TMEM221: variants seen among roughly 807,000 people sequenced by gnomAD.
The protein encoded by TMEM221 is Putative transmembrane protein ENSP00000342162.
Under a neutral mutation model 10.2 loss-of-function variants are expected in TMEM221, and 11 were observed. That is an observed-to-expected ratio of 1.08 (90% CI 0.68 to 1.79). The LOEUF (loss-of-function observed/expected upper bound fraction) is 1.79. Ranked by LOEUF, TMEM221 falls within the 40% of genes most tolerant of loss-of-function variation. The probability of loss-of-function intolerance (pLI) is 0.00; values close to 1 mark genes in which losing one functional copy is unlikely to be tolerated. For missense variants in TMEM221, 382 were observed against 417.7 expected (o/e 0.91, Z 0.75); for synonymous variants, 172 against 199.8 (o/e 0.86, Z 1.18).
intron 2 of TMEM221, among the ~76,000 whole-genome samples, chr19:17,442,730 A>G (rs948680863): frequency 5.3e-5 from 8 of 151,032 alleles, no homozygotes; most frequent in African/African-American, 1.9e-4. Context: ...GAGCAACCAC[A>G]CCCGGCTGAG....
chr19:17,440,062 C>T (rs1269272260), intron 2 of TMEM221, among the ~76,000 whole-genome samples: 3 of 152,110 alleles, frequency 2.0e-5, no homozygotes, highest in South Asian at 4.1e-4. Flanking sequence ...CAGTGCTTGC[C>T]TACGGTCCCA....
At chr19:17,441,637 A>T (rs909383463) in intron 2 of TMEM221, among the ~76,000 whole-genome samples, 9 of 151,440 alleles carry the variant, frequency 5.9e-5, no homozygotes, top group African/African-American at 2.2e-4. Context: ...CTGAGACTTT[A>T]GCCTGGGCTA....
chr19:17,441,844 TGGC>T (rs2074933390), intron 2 of TMEM221, among the ~76,000 whole-genome samples: 4 of 147,990 alleles, frequency 2.7e-5, no homozygotes, highest in Non-Finnish European at 6.0e-5. Flanking sequence ...TTTTTTTTTT[TGGC>T]TGGAAACATT....
At chr19:17,442,565 G>A (rs775330613) in intron 2 of TMEM221, among the ~76,000 whole-genome samples, 66 of 151,744 alleles carry the variant, frequency 4.3e-4, no homozygotes, top group Middle Eastern at 3.4e-3. Context: ...TCAGCCTCTG[G>A]AGTAGCTGGG....
intron 2 of TMEM221, among the ~76,000 whole-genome samples, chr19:17,444,313 C>A (rs1373346136): frequency 1.3e-5 from 2 of 151,622 alleles, no homozygotes; most frequent in African/African-American, 4.8e-5. Flanking sequence ...AAACTCCTGA[C>A]CTCAGGTGAT....
Position 17,436,317 on chromosome 19 carries a change from C to T in TMEM221, c.*141G>A. 1.2e-6 allele frequency: 1 copy of T among 842,510 alleles called. No homozygotes were observed. The allele number at this position is 842,510 out of a possible 1,614,324, so 52.2% of individuals were successfully genotyped here. ...TGGAGCTCTGGCAATTATTTTGTGC[C>T]ACGAGGCAACCTTGAGGACAAAAGC... On this transcript the variant is annotated 3_prime_UTR_variant, in exon 3 of 3. Coordinates refer to ENST00000341130, the MANE Select transcript of TMEM221 (RefSeq NM_001190844.2).
At position 17,448,262 on chromosome 19, in the gene TMEM221, C is replaced by G. The variant is rs1341918658; in HGVS notation, c.201G>C (p.Leu67=). The G allele has an allele frequency of 7.9e-7, 1 of 1,265,502 alleles. No homozygotes were observed. Among genetic ancestry groups the G allele is most frequent in the African/African-American group, 1.6e-5 (1 of 63,782 alleles). 78.4% of individuals were successfully genotyped at this position (1,265,502 alleles called of 1,614,324 possible). Residue 67 remains leucine (L), a synonymous_variant, in exon 1 of 3, where the codon CTG becomes CTC. Transcript: ENST00000341130. This position sits in a 1 kb window ranked among gnomAD's most constrained non-coding sequence, Gnocchi z 4.7. ...CGGCCAGCGCGGCGGCCAGCGGCAG[C>G]AGCGTCCCGGCCGCGTCCTCTGGCA... is the stretch of plus-strand genomic sequence containing the variant. The part of the protein sequence containing the change: ...PGLPEDAAGT[L]LPLAAALAAL...
chr19:17,436,423 T>G lies in TMEM221; in HGVS notation c.*35A>C. 6.9e-7 allele frequency: 1 copy of G among 1,451,026 alleles called. No homozygotes were observed. Among genetic ancestry groups the G allele is most frequent in the Non-Finnish European group, 9.1e-7 (1 of 1,099,228 alleles). 89.9% of individuals were successfully genotyped at this position (1,451,026 alleles called of 1,614,324 possible). A position where few individuals can be genotyped will look rare whatever the true frequency, so the allele number is the denominator to read the frequency against. ...CCGAACCTATCTCTATGGTATCCTT[T>G]TCTTACACCAGGTCTCTATTCCTCA... On this transcript the variant is annotated 3_prime_UTR_variant, in exon 3 of 3. Coordinates refer to ENST00000341130, the MANE Select transcript of TMEM221 (RefSeq NM_001190844.2).
chr19:17,442,085 T>C (rs2074934209), intron 2 of TMEM221, among the ~76,000 whole-genome samples: 1 of 152,146 alleles, frequency 6.6e-6, no homozygotes, highest in Non-Finnish European at 1.5e-5. Flanking sequence ...TCTTATTCCC[T>C]AGGTCTTTAA....
chr19:17,441,312 A>C (rs1220034280), intron 2 of TMEM221, among the ~76,000 whole-genome samples: 1 of 151,740 alleles, frequency 6.6e-6, no homozygotes, highest in Non-Finnish European at 1.5e-5. Context: ...GTGGTGGTGC[A>C]TCGTAGGACG....
intron 2 of TMEM221, among the ~76,000 whole-genome samples, chr19:17,440,692 T>C (rs1380625163): frequency 6.6e-6 from 1 of 151,996 alleles, no homozygotes; most frequent in Non-Finnish European, 1.5e-5. Flanking sequence ...AGCAAGACCC[T>C]GTCTCTAAAC....
chr19:17,444,796 T>TTTATATATTTAATAAATATATATTATA (rs1555738590), intron 2 of TMEM221: 4 of 129,424 alleles, frequency 3.1e-5, no homozygotes, highest in Non-Finnish European at 6.4e-5. Context: ...TAAATATATA[T>TTTATATATTTAATAAATATATATTATA]TATATATATA....
At chr19:17,439,669 C>A (rs2074923838) in intron 2 of TMEM221, among the ~76,000 whole-genome samples, 1 of 148,744 alleles carries the variant, frequency 6.7e-6, no homozygotes, top group Non-Finnish European at 1.5e-5. Flanking sequence ...CCCTGGGCAA[C>A]AGAGCAAGAC....
rs2074960777 is a variant in TMEM221 at position 17,448,276 on chromosome 19, C to T, written c.187G>A (p.Ala63Thr). The change falls in exon 1 of 3, where the codon GCG becomes ACG. Residue 63 changes from alanine (A) to threonine (T), a missense_variant. Transcript: ENST00000341130. The surrounding 1 kb of genome is among the most constrained non-coding windows in gnomAD (Gnocchi z 4.7). ...LGAGPGLPED[A>T]AGTLLPLAAA... ...GCCAGCGGCAGCAGCGTCCCGGCCG[C>T]GTCCTCTGGCAGCCCGGGGCCGGCG... 1.6e-6 allele frequency: 2 copies of T among 1,229,454 alleles called. No homozygotes were observed. The highest frequency in any genetic ancestry group is 2.0e-6 in the Non-Finnish European group (2 of 986,224). 76.2% of individuals were successfully genotyped at this position (1,229,454 alleles called of 1,614,324 possible).
At position 17,436,818 on chromosome 19, in the gene TMEM221, G is replaced by A. The variant is rs924103548; in HGVS notation, c.516C>T (p.Leu172=). 1.1e-5 allele frequency: 16 copies of A among 1,503,372 alleles called. No homozygotes were observed. The highest frequency in any genetic ancestry group is 1.4e-5 in the Non-Finnish European group (16 of 1,127,812). The allele number at this position is 1,503,372 out of a possible 1,614,324, so 93.1% of individuals were successfully genotyped here. A position where few individuals can be genotyped will look rare whatever the true frequency, so the allele number is the denominator to read the frequency against. The change falls in exon 3 of 3, where the codon CTC becomes CTT. Residue 172 remains leucine (L), a synonymous_variant. Transcript: ENST00000341130. The part of the protein sequence containing the change: ...LVLVAVLTHT[L]LRAARAARRG... Reference sequence around the variant, plus strand: ...GGCGGGCAGCCCGGGCAGCCCGGAGGAGAGTGTGGGTCAGCACAGCCACCA... The same window carrying A: ...GGCGGGCAGCCCGGGCAGCCCGGAGAAGAGTGTGGGTCAGCACAGCCACCA...
intron 2 of TMEM221, among the ~76,000 whole-genome samples, chr19:17,439,206 CA>C (rs35872715): frequency 8.0e-4 from 89 of 111,406 alleles, no homozygotes; most frequent in Admixed American, 1.4e-3. Flanking sequence ...GACTCCATCT[CA>C]AAAAAAAAAA....
chr19:17,447,336 T>C (rs534577736), intron 1 of TMEM221, among the ~76,000 whole-genome samples: 1 of 152,294 alleles, frequency 6.6e-6, no homozygotes, highest in East Asian at 1.9e-4. Context: ...TTATGTTTCC[T>C]TATTTTCTGT....
At chr19:17,438,973 C>T (rs977418580) in intron 2 of TMEM221, among the ~76,000 whole-genome samples, 2 of 151,176 alleles carry the variant, frequency 1.3e-5, no homozygotes, top group Non-Finnish European at 3.0e-5. Context: ...TTTGGGAGGC[C>T]GACGTGGGCG....
intron 1 of TMEM221, among the ~76,000 whole-genome samples, chr19:17,447,579 C>G (rs1427578766): frequency 6.6e-6 from 1 of 152,194 alleles, no homozygotes; most frequent in Non-Finnish European, 1.5e-5. Context: ...GGGCTCCTCT[C>G]CCCCGACATT....
Sources: gnomAD v4.1 joint callset for allele counts (sites outside exome capture counted in the v4.1 genomes callset) on GRCh38, gnomAD v4.1.1 for gene constraint, Gnocchi (gnomAD v3.1) non-coding constraint, MANE v1.5 for transcripts, NCBI Gene and HGNC (gene_info 2026-07-23, HGNC 2026-07-21) for gene names.